The following FAM20A variants were observed in gnomAD, a reference collection of about 807,000 sequenced individuals.
FAM20A encodes the protein pseudokinase FAM20A.
FAM20A carries 42 observed loss-of-function variants against 52.0 expected under a neutral mutation model. The ratio of observed to expected loss-of-function variants is 0.81; its 90% CI spans 0.63 to 1.04. The LOEUF (loss-of-function observed/expected upper bound fraction) is 1.04, where lower values mean the gene tolerates loss of function less well. Ranked by LOEUF, FAM20A falls within the 50% of genes least tolerant of loss-of-function variation. FAM20A has a pLI of 0.00. For missense variants in FAM20A, 742 were observed against 712.7 expected, an observed-to-expected ratio of 1.04 and a Z score of -0.47; for synonymous variants, 304 against 298.9, an observed-to-expected ratio of 1.02 and a Z score of -0.18.
At chr17:68,565,272 A>G (rs2087344384) in intron 1 of FAM20A, among the ~76,000 whole-genome samples, 1 of 151,590 alleles carries the variant, frequency 6.6e-6, no homozygotes, top group Non-Finnish European at 1.5e-5. Flanking sequence ...CTCCAAAACT[A>G]TATAGCTAGC....
chr17:68,551,979 C>G lies in FAM20A; in HGVS notation c.641-28G>C, dbSNP rs916164611. 5 of 1,490,452 alleles carry G rather than the reference C, an allele frequency of 3.4e-6. No homozygotes were observed. In the African/African-American group the frequency reaches 6.9e-5, roughly 21 times the overall value. The allele number at this position is 1,490,452 out of a possible 1,614,324, so 92.3% of individuals were successfully genotyped here. A position where few individuals can be genotyped will look rare whatever the true frequency, so the allele number is the denominator to read the frequency against. On this transcript the variant is annotated intron_variant, in intron 3 of 10. Coordinates refer to ENST00000592554, the MANE Select transcript of FAM20A (RefSeq NM_017565.4). ...GTGAAAGGCAGAAGGGTGAGTTAAC[C>G]ATGCTTCCGGGCCTCAGCCAAGGCT... is the stretch of plus-strand genomic sequence containing the variant.
At chr17:68,586,113 T>G (rs2088158531) in intron 1 of FAM20A, among the ~76,000 whole-genome samples, 1 of 152,172 alleles carries the variant, frequency 6.6e-6, no homozygotes, top group African/African-American at 2.4e-5. Flanking sequence ...TTCTGAGAAG[T>G]TCCTCACTCT....
At chr17:68,552,375 T>C (rs1458467303) in intron 3 of FAM20A, among the ~76,000 whole-genome samples, 1 of 152,218 alleles carries the variant, frequency 6.6e-6, no homozygotes, top group Non-Finnish European at 1.5e-5. Flanking sequence ...AACTACATCT[T>C]TGTAGATTCT....
At chr17:68,548,030 G>A (rs977118523) in intron 4 of FAM20A, among the ~76,000 whole-genome samples, 1 of 144,078 alleles carries the variant, frequency 6.9e-6, no homozygotes, top group Non-Finnish European at 1.5e-5. Flanking sequence ...CAATATTGTT[G>A]TGTCTTAGGG....
intron 4 of FAM20A, chr17:68,551,202 C>G (rs1260834007): frequency 5.4e-5 from 59 of 1,089,994 alleles, no homozygotes; most frequent in Non-Finnish European, 6.8e-5. Context: ...AAACTCACAC[C>G]AAGCTCTGTC....
intron 8 of FAM20A, 156 bp downstream of exon 8, chr17:68,540,691 TTC>T: frequency 1.1e-6 from 1 of 902,570 alleles, no homozygotes. Context: ...GCCTGTTACC[TTC>T]TGTCCTCTGG....
chr17:68,553,271 G>T (rs1320900147), intron 3 of FAM20A, among the ~76,000 whole-genome samples: 1 of 152,132 alleles, frequency 6.6e-6, no homozygotes, highest in Non-Finnish European at 1.5e-5. Context: ...ATGATTGTAA[G>T]TTTCCGGAGG....
chr17:68,555,399 G>A (rs2087021935), intron 2 of FAM20A, among the ~76,000 whole-genome samples, 160 bp downstream of exon 2: 1 of 152,176 alleles, frequency 6.6e-6, no homozygotes, highest in Non-Finnish European at 1.5e-5. Context: ...ATCGCTATAG[G>A]ATCTCTTCCA....
chr17:68,575,833 T>A lies in FAM20A; in HGVS notation c.405-20090A>T, dbSNP rs9906041. 0.016 allele frequency among the ~76,000 whole-genome samples: 1,326 copies of A among 83,348 alleles called. 105 individuals carry two copies. The South Asian group carries it at 0.21, about 13-fold the overall frequency. The allele number at this position is 83,348 out of a possible 152,430, so 54.7% of individuals were successfully genotyped here. A position where few individuals can be genotyped will look rare whatever the true frequency, so the allele number is the denominator to read the frequency against. ...ACACACACACACACACACACACACA[T>A]AATCAGCCATTGGCAGTTACAGCTG... On this transcript the variant is annotated intron_variant, in intron 1 of 10. Coordinates refer to ENST00000592554, the MANE Select transcript of FAM20A (RefSeq NM_017565.4).
chr17:68,536,785 T>C lies in FAM20A; in HGVS notation c.*692A>G. On this transcript the variant is annotated 3_prime_UTR_variant, in exon 11 of 11. Coordinates refer to ENST00000592554, the MANE Select transcript of FAM20A (RefSeq NM_017565.4). ...TTATTCTGTTACTGGCTGCTTAGTG[T>C]GACATATTTGATGTTATTTCAATTG... The C allele has an allele frequency of 8.8e-6, 4 of 454,122 alleles. No homozygotes were observed. In the Admixed American group the frequency reaches 9.4e-5, roughly 11 times the overall value. 28.1% of individuals were successfully genotyped at this position (454,122 alleles called of 1,614,324 possible).
intron 3 of FAM20A, 105 bp downstream of exon 3, chr17:68,554,672 C>G (rs2087002287): frequency 1.8e-6 from 2 of 1,082,758 alleles, no homozygotes; most frequent in Non-Finnish European, 1.4e-6. Flanking sequence ...GGCAGAGAGC[C>G]ATGCTCCTTC....
At chr17:68,582,084 G>A (rs1481214128) in intron 1 of FAM20A, among the ~76,000 whole-genome samples, 2 of 152,112 alleles carry the variant, frequency 1.3e-5, no homozygotes, top group African/African-American at 2.4e-5. Flanking sequence ...CGGTTTGAAG[G>A]GAAGGTCTCC....
Position 68,587,773 on chromosome 17 carries a change from A to G in FAM20A, c.404+12490T>C, listed in dbSNP as rs1004818041. ...GATCTAATGACATACAATTTAAAAG[A>G]GCTTCAAGAAGTGGAAAGGACTCTA... is the stretch of plus-strand genomic sequence containing the variant. On this transcript the variant is annotated intron_variant, in intron 1 of 10. Transcript: ENST00000592554. Among the ~76,000 whole-genome samples, 7 of 152,226 alleles carry G rather than the reference A, an allele frequency of 4.6e-5. No homozygotes were observed. The East Asian group carries it at 1.2e-3, about 25-fold the overall frequency.
intron 1 of FAM20A, among the ~76,000 whole-genome samples, chr17:68,568,890 G>A (rs1001658180): frequency 7.0e-6 from 1 of 142,872 alleles, no homozygotes; most frequent in African/African-American, 2.5e-5. Context: ...ATTTGACGTG[G>A]ATATATTTTG....
At chr17:68,561,863 C>T (rs2087224027) in intron 1 of FAM20A, among the ~76,000 whole-genome samples, 2 of 152,070 alleles carry the variant, frequency 1.3e-5, no homozygotes, top group South Asian at 4.1e-4. Context: ...CCCTCTGTCA[C>T]CCAGGCTGGA....
chr17:68,564,662 G>A (rs981068833), intron 1 of FAM20A, among the ~76,000 whole-genome samples: 2 of 152,230 alleles, frequency 1.3e-5, no homozygotes, highest in African/African-American at 4.8e-5. Context: ...AGGCATTAGA[G>A]GGAGAACCAA....
rs1416627058 is a variant in FAM20A, at chr17:68,552,665, CCTTTTT to C, written c.641-720_641-715del. ...CTGGAGCCCTGTAAACCTTTATTTTCCTTTTTTTTTTTTTTTTTTTTTTTTTTGAGA... is the reference window on the plus strand; with the variant it reads ...CTGGAGCCCTGTAAACCTTTATTTTCTTTTTTTTTTTTTTTTTTTTTGAGA... On this transcript the variant is annotated intron_variant, in intron 3 of 10. Transcript: ENST00000592554. Among the ~76,000 whole-genome samples the C allele has an allele frequency of 8.2e-5, 9 of 110,000 alleles. 1 individual carries two copies. The highest frequency in any genetic ancestry group is 2.6e-4 in the African/African-American group (8 of 31,002). The allele number at this position is 110,000 out of a possible 152,430, so 72.2% of individuals were successfully genotyped here.
chr17:68,564,866 C>T (rs994077535), intron 1 of FAM20A, among the ~76,000 whole-genome samples: 6 of 152,076 alleles, frequency 3.9e-5, no homozygotes, highest in African/African-American at 1.4e-4. Context: ...GGCAGAGCCA[C>T]TGGGGTGCTG....
rs143818471 is a variant in FAM20A at position 68,564,568 on chromosome 17, C to A, written c.405-8825G>T. ...ATGCCTTGGCATGTGTGTGAGACTG[C>A]AGATCATCCAAGGGACCTTGGAATC... On this transcript the variant is annotated intron_variant, in intron 1 of 10. Transcript: ENST00000592554. Among the ~76,000 whole-genome samples, 49 of 152,320 alleles carry A rather than the reference C, an allele frequency of 3.2e-4. 1 individual carries two copies. The highest frequency in any genetic ancestry group is 2.5e-3 in the Admixed American group (39 of 15,310).
Sources: gnomAD v4.1 joint callset for allele counts (sites outside exome capture counted in the v4.1 genomes callset) on GRCh38, gnomAD v4.1.1 for gene constraint, MANE v1.5 for transcripts, NCBI Gene and HGNC (gene_info 2026-07-23, HGNC 2026-07-21) for gene names.